The following TNRC6C variants were observed in gnomAD, a reference collection of about 807,000 sequenced individuals.
TNRC6C encodes trinucleotide repeat containing adaptor 6C.
TNRC6C carries 20 observed loss-of-function variants against 153.7 expected under a neutral mutation model. The ratio of observed to expected loss-of-function variants is 0.13; its 90% confidence interval spans 0.09 to 0.19. The LOEUF is 0.19. Among genes scored for constraint, TNRC6C ranks in the 10% least tolerant of loss-of-function variants. The probability of loss-of-function intolerance (pLI) is 1.00; values close to 1 mark genes in which losing one functional copy is unlikely to be tolerated. For synonymous variants in TNRC6C, 811 were observed against 841.4 expected (o/e 0.96, Z 0.63); for missense variants, 1,987 against 2,172.0 (o/e 0.91, Z 1.69).
intron 11 of TNRC6C, among the ~76,000 whole-genome samples, chr17:78,085,035 G>A (rs574051379): frequency 4.6e-5 from 7 of 152,244 alleles, no homozygotes; most frequent in African/African-American, 2.4e-5. Context: ...AGTCCTGCCC[G>A]CCGGAGACCA....
intron 1 of TNRC6C, among the ~76,000 whole-genome samples, chr17:78,020,501 A>G (rs11868296): frequency 0.04 from 6,160 of 152,274 alleles, 278 homozygotes; most frequent in East Asian, 0.18. Context: ...TTATGAAAAC[A>G]GGTAATTATT....
rs765411967 is a variant in TNRC6C at position 78,097,867 on chromosome 17, C to T, written c.4307-476C>T. The T allele has an allele frequency of 2.2e-5, 34 of 1,526,094 alleles. No individual in the cohort carries two copies. The highest frequency in any genetic ancestry group is 2.4e-5 in the Non-Finnish European group (27 of 1,132,816). The allele number at this position is 1,526,094 out of a possible 1,614,324, so 94.5% of individuals were successfully genotyped here. Reference sequence around the variant, plus strand: ...ATCCGCACCTAGTGTTGCAGGTACGCGCCTGGCCTCTAGACTTGCAGGTAG... The same window carrying T: ...ATCCGCACCTAGTGTTGCAGGTACGTGCCTGGCCTCTAGACTTGCAGGTAG... On this transcript the variant is annotated intron_variant, in intron 16 of 19. Coordinates refer to ENST00000301624, the Ensembl canonical transcript of TNRC6C.
intron 1 of TNRC6C, among the ~76,000 whole-genome samples, chr17:77,968,644 G>A (rs1288417878): frequency 2.0e-5 from 3 of 152,128 alleles, no homozygotes; most frequent in South Asian, 2.1e-4. Context: ...TGCCCGGCCC[G>A]AGATGTAGTT....
At chr17:78,073,194 T>G (rs1483249572) in intron 7 of TNRC6C, 100 bp downstream of exon 9, 9 of 1,037,674 alleles carry the variant, frequency 8.7e-6, no homozygotes, top group African/African-American at 1.6e-5. Flanking sequence ...TAATATGTCC[T>G]GGGTAGACAG....
intron 1 of TNRC6C, among the ~76,000 whole-genome samples, chr17:77,979,376 G>T (rs2071042887): frequency 6.6e-6 from 1 of 152,168 alleles, no homozygotes; most frequent in African/African-American, 2.4e-5. Flanking sequence ...CTGAAAGTAT[G>T]TGTATCTGTT....
intron 19 of TNRC6C, 84 bp downstream of exon 22, chr17:78,103,637 C>T: frequency 6.4e-7 from 1 of 1,559,966 alleles, no homozygotes; most frequent in Non-Finnish European, 8.7e-7. Flanking sequence ...CAGGGGTGTC[C>T]TGAGCCACCA....
chr17:78,050,570 C>T (rs1388339328), exon 3 of TNRC6C: 6 of 1,608,166 alleles, frequency 3.7e-6, no homozygotes, highest in Non-Finnish European at 5.1e-6. Flanking sequence ...AGTACAAATA[C>T]CTCTTCAGTA....
intron 16 of TNRC6C, 125 bp from the exon 19 acceptor site, chr17:78,097,620 C>G: frequency 3.2e-6 from 2 of 616,216 alleles, no homozygotes; most frequent in Non-Finnish European, 5.4e-6. Context: ...CTTTCATGTT[C>G]AGGCTTCTAT....
chr17:78,086,262 A>G (rs539155162), intron 11 of TNRC6C, among the ~76,000 whole-genome samples: 7 of 138,038 alleles, frequency 5.1e-5, no homozygotes, highest in African/African-American at 1.9e-4. Flanking sequence ...CCCGGGAGGC[A>G]GAGGTGGCAG....
chr17:78,100,125 C>T (rs981350298), intron 17 of TNRC6C, among the ~76,000 whole-genome samples: 15 of 152,298 alleles, frequency 9.8e-5, no homozygotes, highest in African/African-American at 2.9e-4. Flanking sequence ...GCTGTCTTCA[C>T]GGGCTGGTAT....
chr17:78,061,491 G>A (rs1008679939), intron 3 of TNRC6C, among the ~76,000 whole-genome samples: 1 of 152,142 alleles, frequency 6.6e-6, no homozygotes, highest in Non-Finnish European at 1.5e-5. Context: ...GGCATTGTAG[G>A]TAAATTATAG....
intron 1 of TNRC6C, among the ~76,000 whole-genome samples, chr17:77,963,412 A>G (rs985311997): frequency 2.6e-5 from 4 of 152,248 alleles, no homozygotes; most frequent in Non-Finnish European, 4.4e-5. Flanking sequence ...CACCTGGGAT[A>G]TATATAACAA....
intron 3 of TNRC6C, among the ~76,000 whole-genome samples, chr17:78,061,089 T>G (rs1370019024): frequency 2.0e-5 from 3 of 152,226 alleles, no homozygotes; most frequent in African/African-American, 7.2e-5. Flanking sequence ...TGTTTTATTA[T>G]CCCCATCTCT....
chr17:77,970,091 T>C (rs888740035), intron 1 of TNRC6C, among the ~76,000 whole-genome samples: 1 of 152,226 alleles, frequency 6.6e-6, no homozygotes, highest in Non-Finnish European at 1.5e-5. Flanking sequence ...CTTGACCCAT[T>C]TTTCTTCTGC....
chr17:78,003,997 C>A, upstream of TNRC6C: 1 of 555,772 alleles, frequency 1.8e-6, no homozygotes, highest in Non-Finnish European at 2.3e-6. Context: ...CTGAAGAAGT[C>A]AGGGCAACCT....
chr17:78,035,843 T>G (rs1381216561), intron 2 of TNRC6C, among the ~76,000 whole-genome samples: 1 of 152,168 alleles, frequency 6.6e-6, no homozygotes, highest in African/African-American at 2.4e-5. Context: ...CTGGTCGCAG[T>G]GAAAGTATTT....
chr17:78,036,662 A>G (rs1201302050), intron 2 of TNRC6C, among the ~76,000 whole-genome samples: 1 of 152,144 alleles, frequency 6.6e-6, no homozygotes, highest in Non-Finnish European at 1.5e-5. Flanking sequence ...GTTGGCTCAC[A>G]CCTGTAATCC....
intron 3 of TNRC6C, 41 bp downstream of exon 5, chr17:78,051,489 A>C: frequency 7.2e-7 from 1 of 1,394,776 alleles, no homozygotes; most frequent in Non-Finnish European, 9.3e-7. Flanking sequence ...GTAAAAAAAA[A>C]AAAAAAAAAG....
At chr17:78,074,452 C>T (rs982430559) in intron 7 of TNRC6C, among the ~76,000 whole-genome samples, 2 of 152,184 alleles carry the variant, frequency 1.3e-5, no homozygotes, top group East Asian at 1.9e-4. Flanking sequence ...TAATCGTGCA[C>T]GTGCGACAAC....
Sources: gnomAD v4.1 joint callset for allele counts (sites outside exome capture counted in the v4.1 genomes callset) on GRCh38, gnomAD v4.1.1 for gene constraint, MANE v1.5 for transcripts, NCBI Gene and HGNC (gene_info 2026-07-23, HGNC 2026-07-21) for gene names.